GRM3: variants seen among roughly 807,000 people sequenced by gnomAD.
GRM3 encodes glutamate metabotropic receptor 3.
GRM3 carries 26 observed loss-of-function variants against 70.5 expected under a neutral mutation model. That is an observed-to-expected ratio of 0.37 (90% confidence interval 0.27 to 0.51). The LOEUF (loss-of-function observed/expected upper bound fraction) is 0.51, where lower values mean the gene tolerates loss of function less well. GRM3 is among the 20% of genes least tolerant of loss of function. GRM3 has a pLI of 0.93. For synonymous variants in GRM3, 443 were observed against 434.9 expected (o/e 1.02, Z -0.23); for missense variants, 859 against 1,123.8 (o/e 0.76, Z 3.37).
chr7:86,719,708 T>A (rs1795409416), intron 1 of GRM3, among the ~76,000 whole-genome samples: 1 of 151,874 alleles, frequency 6.6e-6, no homozygotes, highest in Admixed American at 6.6e-5. Flanking sequence ...AGCAACTAAT[T>A]ATAAGAATGA....
At chr7:86,695,493 T>A (rs1794795194) in intron 1 of GRM3, among the ~76,000 whole-genome samples, 1 of 152,150 alleles carries the variant, frequency 6.6e-6, no homozygotes, top group South Asian at 2.1e-4. Context: ...ACTTAATCTG[T>A]AACAGGTAAA....
chr7:86,709,553 T>C (rs1795144097), intron 1 of GRM3, among the ~76,000 whole-genome samples: 1 of 152,030 alleles, frequency 6.6e-6, no homozygotes, highest in South Asian at 2.1e-4. Context: ...AGACCCAGCC[T>C]TGTGGTACCT....
chr7:86,722,826 G>A (rs1385201007), intron 1 of GRM3, among the ~76,000 whole-genome samples: 1 of 152,090 alleles, frequency 6.6e-6, no homozygotes, highest in African/African-American at 2.4e-5. Context: ...TCTTTACGTT[G>A]TAAGAATTCC....
chr7:86,857,505 T>C (rs1017380710), intron 5 of GRM3, among the ~76,000 whole-genome samples: 8 of 152,270 alleles, frequency 5.3e-5, no homozygotes, highest in African/African-American at 1.9e-4. Flanking sequence ...TTAGGAGGCA[T>C]AGTCCAAATG....
At chr7:86,729,692 T>C (rs1189043979) in intron 1 of GRM3, among the ~76,000 whole-genome samples, 1 of 152,224 alleles carries the variant, frequency 6.6e-6, no homozygotes, top group African/African-American at 2.4e-5. Flanking sequence ...TATGTTCTTA[T>C]AGAGTAACAA....
chr7:86,810,066 C>T (rs1797879193), intron 3 of GRM3, among the ~76,000 whole-genome samples: 1 of 151,982 alleles, frequency 6.6e-6, no homozygotes, highest in African/African-American at 2.4e-5. Flanking sequence ...ATGTAGTAAA[C>T]TCTAATGATC....
At chr7:86,766,517 G>T (rs1796604449) in intron 2 of GRM3, among the ~76,000 whole-genome samples, 1 of 152,020 alleles carries the variant, frequency 6.6e-6, no homozygotes, top group African/African-American at 2.4e-5. Context: ...AAATTTTATA[G>T]AAGTAAATAA....
intron 3 of GRM3, among the ~76,000 whole-genome samples, chr7:86,800,765 A>G (rs1797662600): frequency 6.6e-6 from 1 of 152,226 alleles, no homozygotes; most frequent in South Asian, 2.1e-4. Flanking sequence ...TTGAAAAGGA[A>G]GGACTTCACT....
At chr7:86,749,800 C>T (rs190625021) in intron 1 of GRM3, among the ~76,000 whole-genome samples, 70 of 152,150 alleles carry the variant, frequency 4.6e-4, no homozygotes, top group Middle Eastern at 3.4e-3. Flanking sequence ...GTCACATCTT[C>T]CTTACTGCTT....
At chr7:86,692,177 A>C (rs1246989025) in intron 1 of GRM3, among the ~76,000 whole-genome samples, 1 of 152,216 alleles carries the variant, frequency 6.6e-6, no homozygotes, top group East Asian at 1.9e-4. Flanking sequence ...AGGATGACAC[A>C]CATAGCCATA....
chr7:86,832,072 G>A (rs1798363576), intron 3 of GRM3, among the ~76,000 whole-genome samples: 1 of 151,974 alleles, frequency 6.6e-6, no homozygotes, highest in Non-Finnish European at 1.5e-5. Flanking sequence ...AAAATATTTT[G>A]TTTGCTCTAA....
At chr7:86,848,418 C>A (rs552232340) in intron 4 of GRM3, among the ~76,000 whole-genome samples, 5 of 152,138 alleles carry the variant, frequency 3.3e-5, no homozygotes, top group Non-Finnish European at 7.4e-5. Flanking sequence ...TTTATGATCT[C>A]TAAGTCCACA....
At chr7:86,717,094 T>C (rs1319590793) in intron 1 of GRM3, among the ~76,000 whole-genome samples, 1 of 151,928 alleles carries the variant, frequency 6.6e-6, no homozygotes, top group East Asian at 1.9e-4. Context: ...CCAAAGAATG[T>C]TCAAATATAA....
At chr7:86,834,147 G>T (rs1798410867) in intron 3 of GRM3, among the ~76,000 whole-genome samples, 1 of 152,018 alleles carries the variant, frequency 6.6e-6, no homozygotes. Flanking sequence ...AATAATACAT[G>T]TACATAGTTT....
At chr7:86,748,683 G>C (rs1341163021) in intron 1 of GRM3, among the ~76,000 whole-genome samples, 2 of 152,002 alleles carry the variant, frequency 1.3e-5, no homozygotes, top group African/African-American at 4.8e-5. Flanking sequence ...ACAGTGCAGG[G>C]GAGAGTGGCT....
chr7:86,833,394 G>GATAATA (rs113026975), intron 3 of GRM3, among the ~76,000 whole-genome samples: 86 of 149,848 alleles, frequency 5.7e-4, no homozygotes, highest in African/African-American at 1.3e-3. Flanking sequence ...CTTAAAGTAT[G>GATAATA]ATAATAATAA....
At position 86,765,171 on chromosome 7, in the gene GRM3, T is replaced by G; in HGVS notation, c.26T>G (p.Val9Gly). The G allele has an allele frequency of 3.8e-6, 6 of 1,592,104 alleles. No individual in the cohort carries two copies. Among genetic ancestry groups the G allele is most frequent in the Non-Finnish European group, 5.1e-6 (6 of 1,171,924 alleles). Residue 9 changes from valine to glycine, a missense_variant, in exon 2 of 6, where the codon GTT becomes GGT. Val to Gly is a moderately radical substitution (Grantham distance 109). Coordinates refer to ENST00000361669, the MANE Select transcript of GRM3 (RefSeq NM_000840.3). Reference protein sequence around the residue: MKMLTRLQVLTLALFSKGF... With the variant: MKMLTRLQGLTLALFSKGF... ...ATGAAGATGTTGACAAGACTGCAAG[T>G]TCTTACCTTAGCTTTGTTTTCAAAG... is the stretch of plus-strand genomic sequence containing the variant.
chr7:86,746,341 T>TTTTTTATATATATATATA (rs1388333232), intron 1 of GRM3, among the ~76,000 whole-genome samples: 12 of 87,444 alleles, frequency 1.4e-4, no homozygotes, highest in South Asian at 4.3e-4. Context: ...CAGTCATGTA[T>TTTTTTATATATATATATA]TATATATATA....
At chr7:86,706,664 A>G (rs181165844) in intron 1 of GRM3, among the ~76,000 whole-genome samples, 153 of 152,140 alleles carry the variant, frequency 1.0e-3, no homozygotes, top group Non-Finnish European at 1.8e-3. Context: ...CCAAGTGCAC[A>G]GTTGTTGAAT....
Sources: allele counts gnomAD v4.1 joint callset (sites outside exome capture counted in the v4.1 genomes callset), GRCh38; gene constraint gnomAD v4.1.1; transcripts MANE v1.5; gene names NCBI Gene and HGNC (gene_info 2026-07-23, HGNC 2026-07-21).